Variants in PTPRT observed in about 807,000 individuals in gnomAD.
PTPRT encodes protein tyrosine phosphatase receptor type T.
In PTPRT, 56 loss-of-function variants were observed where a neutral mutation model predicts 176.8. The ratio of observed to expected loss-of-function variants is 0.32; its 90% CI spans 0.26 to 0.40. PTPRT has a LOEUF of 0.40. Ranked by LOEUF, PTPRT falls within the 10% of genes least tolerant of loss-of-function variation. The probability of loss-of-function intolerance (pLI) is 1.00; values close to 1 mark genes in which losing one functional copy is unlikely to be tolerated. For missense variants in PTPRT, 1,540 were observed against 1,908.2 expected, an observed-to-expected ratio of 0.81 and a Z score of 3.60; for synonymous variants, 783 against 739.0, an observed-to-expected ratio of 1.06 and a Z score of -0.96.
At chr20:42,911,504 T>G (rs1391883733) in intron 1 of PTPRT, among the ~76,000 whole-genome samples, 3 of 152,176 alleles carry the variant, frequency 2.0e-5, no homozygotes, top group Non-Finnish European at 2.9e-5. Context: ...CTGGCACCAG[T>G]GCATTTGACA....
intron 1 of PTPRT, among the ~76,000 whole-genome samples, chr20:43,133,426 T>C (rs531329713): frequency 1.3e-5 from 2 of 152,324 alleles, no homozygotes; most frequent in African/African-American, 4.8e-5. Flanking sequence ...TGAAGTAATC[T>C]GGACAATGTC....
At chr20:42,032,758 T>TTC in the PTPRT span, among the ~76,000 whole-genome samples, 13 of 150,232 alleles carry the variant, frequency 8.7e-5, no homozygotes, top group African/African-American at 1.2e-4. Context: ...CTCTCTCTCC[T>TTC]TCTCTCTCTC....
At chr20:42,734,886 C>G (rs763369531) in intron 6 of PTPRT, among the ~76,000 whole-genome samples, 2 of 152,170 alleles carry the variant, frequency 1.3e-5, no homozygotes, top group African/African-American at 4.8e-5. Flanking sequence ...GCACACCATC[C>G]CTTCTGCCCA....
At chr20:42,793,203 T>TATTTTACACACAATA (rs1362474158) in intron 2 of PTPRT, among the ~76,000 whole-genome samples, 2 of 152,168 alleles carry the variant, frequency 1.3e-5, no homozygotes, top group Non-Finnish European at 2.9e-5. Flanking sequence ...TGTGTAAATA[T>TATTTTACACACAATA]AAGGGATACA....
At chr20:42,520,975 T>C (rs1051092723) in intron 7 of PTPRT, among the ~76,000 whole-genome samples, 2 of 151,678 alleles carry the variant, frequency 1.3e-5, no homozygotes, top group African/African-American at 4.9e-5. Context: ...TACATACATA[T>C]GTGACTATCT....
intron 2 of PTPRT, among the ~76,000 whole-genome samples, chr20:42,839,726 A>G (rs541936946): frequency 1.3e-5 from 2 of 152,336 alleles, no homozygotes; most frequent in African/African-American, 2.4e-5. Flanking sequence ...GTGAAAGCCA[A>G]CTGGTGCTGT....
At chr20:43,158,625 C>A (rs1431078694) in intron 1 of PTPRT, among the ~76,000 whole-genome samples, 2 of 152,184 alleles carry the variant, frequency 1.3e-5, no homozygotes, top group African/African-American at 2.4e-5. Context: ...AGACCTCACT[C>A]CAGGGCCTGA....
intron 7 of PTPRT, among the ~76,000 whole-genome samples, chr20:42,620,640 G>A (rs924717752): frequency 4.6e-5 from 7 of 152,224 alleles, no homozygotes; most frequent in Non-Finnish European, 5.9e-5. Flanking sequence ...ATATAATCTC[G>A]TGGTTTGCTG....
chr20:42,356,857 AC>A (rs779955126), intron 9 of PTPRT, among the ~76,000 whole-genome samples: 4 of 152,132 alleles, frequency 2.6e-5, no homozygotes, highest in East Asian at 3.9e-4. Context: ...TTACTTCAGT[AC>A]TAAAAAGAGC....
intron 7 of PTPRT, among the ~76,000 whole-genome samples, chr20:42,539,747 G>A (rs1041584006): frequency 1.3e-5 from 2 of 150,268 alleles, no homozygotes; most frequent in Non-Finnish European, 3.0e-5. Flanking sequence ...AGAAACCAAG[G>A]AACATTCAGA....
At chr20:42,742,960 A>G (rs1463599664) in intron 6 of PTPRT, among the ~76,000 whole-genome samples, 2 of 152,218 alleles carry the variant, frequency 1.3e-5, no homozygotes, top group African/African-American at 2.4e-5. Context: ...GGCCTTTCCA[A>G]TTGCTTGCTC....
At chr20:42,739,016 C>T (rs1258009467) in intron 6 of PTPRT, among the ~76,000 whole-genome samples, 2 of 152,148 alleles carry the variant, frequency 1.3e-5, no homozygotes, top group African/African-American at 4.8e-5. Flanking sequence ...TGCAGTGAGC[C>T]ATGATTGTGC....
chr20:42,549,973 A>C (rs1406562576), intron 7 of PTPRT, among the ~76,000 whole-genome samples: 1 of 152,200 alleles, frequency 6.6e-6, no homozygotes, highest in Admixed American at 6.5e-5. Flanking sequence ...TGTTTGTTTC[A>C]AATTGAAAAT....
intron 7 of PTPRT, among the ~76,000 whole-genome samples, chr20:42,601,857 T>C (rs1255242468): frequency 6.6e-6 from 1 of 152,192 alleles, no homozygotes; most frequent in Non-Finnish European, 1.5e-5. Flanking sequence ...GGCACTCTTT[T>C]GTCTCTAGCT....
intron 2 of PTPRT, among the ~76,000 whole-genome samples, chr20:42,807,714 C>T (rs1476599391): frequency 6.6e-6 from 1 of 152,176 alleles, no homozygotes; most frequent in South Asian, 2.1e-4. Context: ...GAAATTCCTG[C>T]TTAATCGGGC....
At position 42,661,186 on chromosome 20, in the gene PTPRT, G is replaced by C. The variant is rs549349186; in HGVS notation, c.1153+16680C>G. On this transcript the variant is annotated intron_variant, in intron 7 of 30. Coordinates refer to ENST00000373187, the MANE Select transcript of PTPRT (RefSeq NM_007050.6). ...TTAAATGGTTAAAATGGAGAGTGAGGAGGAGGAAGCTAGACCAACAAGGTC... is the reference window on the plus strand; with the variant it reads ...TTAAATGGTTAAAATGGAGAGTGAGCAGGAGGAAGCTAGACCAACAAGGTC... 2.0e-5 allele frequency among the ~76,000 whole-genome samples: 3 copies of C among 152,232 alleles called. No individual in the cohort carries two copies. The East Asian group carries it at 5.8e-4, about 29-fold the overall frequency.
intron 1 of PTPRT, among the ~76,000 whole-genome samples, chr20:43,138,939 C>A (rs562312153): frequency 4.6e-5 from 7 of 152,222 alleles, no homozygotes; most frequent in Non-Finnish European, 1.0e-4. Context: ...CATTCACCCT[C>A]TCTGGGCACA....
chr20:42,235,219 T>G (rs1177842256), intron 15 of PTPRT, among the ~76,000 whole-genome samples: 1 of 152,066 alleles, frequency 6.6e-6, no homozygotes, highest in African/African-American at 2.4e-5. Flanking sequence ...TCCTTTACTA[T>G]CATGTTTTGA....
At chr20:42,753,975 T>C (rs1430931656) in intron 6 of PTPRT, among the ~76,000 whole-genome samples, 1 of 152,164 alleles carries the variant, frequency 6.6e-6, no homozygotes, top group Admixed American at 6.5e-5. Flanking sequence ...CTTTGCCCCA[T>C]GTACATGCAA....
Sources: gnomAD v4.1 joint callset for allele counts (sites outside exome capture counted in the v4.1 genomes callset) on GRCh38, gnomAD v4.1.1 for gene constraint, MANE v1.5 for transcripts, NCBI Gene and HGNC (gene_info 2026-07-23, HGNC 2026-07-21) for gene names.